The following UPB1 variants were observed in gnomAD, a reference collection of about 807,000 sequenced individuals.
UPB1 encodes the protein beta-ureidopropionase 1.
UPB1 carries 40 observed loss-of-function variants against 49.1 expected under a neutral mutation model. The observed-to-expected ratio is 0.81, with a 90% CI of 0.63 to 1.06. The LOEUF (loss-of-function observed/expected upper bound fraction) is 1.06. Ranked by LOEUF, UPB1 falls within the 50% of genes least tolerant of loss-of-function variation. UPB1 has a pLI of 0.00. For synonymous variants in UPB1, 207 were observed against 198.2 expected (o/e 1.04, Z -0.38); for missense variants, 499 against 505.9 (o/e 0.99, Z 0.13).
chr22:24,500,519 A>G (rs906399239), intron 2 of UPB1, among the ~76,000 whole-genome samples: 1 of 152,128 alleles, frequency 6.6e-6, no homozygotes, highest in African/African-American at 2.4e-5. Flanking sequence ...ACTTCTCTCC[A>G]GCTATTGATC....
chr22:24,519,403 T>C lies in UPB1; in HGVS notation c.792-984T>C, dbSNP rs149418085. ...CTGTCAATCCACAGTCTTAAAGATGTTCCTCAGACAAAAGATAATTAGTGA... is the reference window on the plus strand; with the variant it reads ...CTGTCAATCCACAGTCTTAAAGATGCTCCTCAGACAAAAGATAATTAGTGA... On this transcript the variant is annotated intron_variant, in intron 6 of 9. Coordinates refer to ENST00000326010, the MANE Select transcript of UPB1 (RefSeq NM_016327.3). Among the ~76,000 whole-genome samples, 586 of 152,264 alleles carry C rather than the reference T, an allele frequency of 3.8e-3. 5 individuals carry two copies. The highest frequency in any genetic ancestry group is 0.014 in the African/African-American group (563 of 41,548).
chr22:24,500,084 C>T (rs776612977), intron 1 of UPB1, 23 bp from the exon 2 acceptor site: 2 of 1,613,976 alleles, frequency 1.2e-6, no homozygotes, highest in South Asian at 1.1e-5. Context: ...AATCCCCTTC[C>T]CTCTTTTTTC....
chr22:24,518,166 A>AG (rs1239081538), intron 6 of UPB1: 1 of 152,228 alleles, frequency 6.6e-6, no homozygotes, highest in African/African-American at 2.4e-5. Context: ...CAGAAAAAAA[A>AG]AACAGGGAAA....
chr22:24,500,374 C>G, intron 2 of UPB1, 96 bp downstream of exon 2: 1 of 1,561,876 alleles, frequency 6.4e-7, no homozygotes, highest in Non-Finnish European at 8.7e-7. Context: ...TACTCCGGGT[C>G]TGCAGGCTTG....
rs79571400 is a variant in UPB1, at chr22:24,510,682, G to A, written c.365-67G>A. 1.0e-3 allele frequency: 1,579 copies of A among 1,516,444 alleles called. 17 individuals carry two copies. The African/African-American group carries it at 0.017, about 17-fold the overall frequency. The allele number at this position is 1,516,444 out of a possible 1,614,324, so 93.9% of individuals were successfully genotyped here. On this transcript the variant is annotated intron_variant, in intron 3 of 9. Coordinates refer to ENST00000326010, the MANE Select transcript of UPB1 (RefSeq NM_016327.3). Reference sequence around the variant, plus strand: ...TCTTTTGCAGTGACTTCCCGCTGCTGGGCTGAGGAGCCCCCCTCAGAGGCT... The same window carrying A: ...TCTTTTGCAGTGACTTCCCGCTGCTAGGCTGAGGAGCCCCCCTCAGAGGCT...
At chr22:24,518,701 A>G (rs541150802) in intron 6 of UPB1, among the ~76,000 whole-genome samples, 1 of 152,342 alleles carries the variant, frequency 6.6e-6, no homozygotes, top group South Asian at 2.1e-4. Context: ...TTCTAAGTAC[A>G]TAGTAGTGTC....
rs766196011 is a variant in UPB1, at chr22:24,515,282, G to A, written c.703G>A (p.Gly235Arg). 2.5e-6 allele frequency: 4 copies of A among 1,614,146 alleles called. No individual in the cohort carries two copies. Among genetic ancestry groups the A allele is most frequent in the South Asian group, 1.1e-5 (1 of 91,078 alleles). ...AAGGATCGCGGTGAACATTTGCTACGGGCGGCACCACCCCCTCAACTGGCT... is the reference window on the plus strand; with the variant it reads ...AAGGATCGCGGTGAACATTTGCTACAGGCGGCACCACCCCCTCAACTGGCT... ...FGRIAVNICY[G>R]RHHPLNWLMY... Residue 235 changes from glycine to arginine, a missense_variant, in exon 6 of 10, where the codon GGG becomes AGG. Transcript: ENST00000326010.
chr22:24,510,719 A>G (rs761673042), intron 3 of UPB1, 30 bp from the exon 4 acceptor site: 1 of 1,609,606 alleles, frequency 6.2e-7, no homozygotes, highest in Non-Finnish European at 8.5e-7. Context: ...TGCATGTTGG[A>G]TATAATTCTG....
chr22:24,496,408 C>T (rs939530524), intron 1 of UPB1, among the ~76,000 whole-genome samples: 6 of 139,494 alleles, frequency 4.3e-5, no homozygotes, highest in African/African-American at 1.5e-4. Flanking sequence ...CACACATACA[C>T]ACACACACAC....
chr22:24,507,431 G>A (rs1480588079), intron 3 of UPB1, among the ~76,000 whole-genome samples: 1 of 152,150 alleles, frequency 6.6e-6, no homozygotes, highest in Non-Finnish European at 1.5e-5. Context: ...GGCTTCCTGG[G>A]ACCGGAAGGA....
At chr22:24,521,248 G>A (rs1252686899) in intron 7 of UPB1, among the ~76,000 whole-genome samples, 9 of 150,364 alleles carry the variant, frequency 6.0e-5, no homozygotes, top group Non-Finnish European at 1.0e-4. Flanking sequence ...TTGGGAGACC[G>A]AGTCGGGTAG....
At chr22:24,510,422 A>T (rs1406982528) in intron 3 of UPB1, among the ~76,000 whole-genome samples, 3 of 152,168 alleles carry the variant, frequency 2.0e-5, no homozygotes, top group Non-Finnish European at 4.4e-5. Flanking sequence ...TTTACCTATC[A>T]GTTCATCTGT....
chr22:24,511,593 G>A (rs1247593239), intron 4 of UPB1, among the ~76,000 whole-genome samples: 3 of 146,500 alleles, frequency 2.0e-5, no homozygotes, highest in South Asian at 2.1e-4. Flanking sequence ...CTTATGCTCT[G>A]TGAATTATAT....
chr22:24,501,039 G>A (rs1268787477), intron 2 of UPB1, among the ~76,000 whole-genome samples: 2 of 151,524 alleles, frequency 1.3e-5, no homozygotes, highest in African/African-American at 4.9e-5. Context: ...CAGATGTCTG[G>A]TTCTCAGTTC....
chr22:24,508,369 G>A (rs992293356), intron 3 of UPB1, among the ~76,000 whole-genome samples: 13 of 152,150 alleles, frequency 8.5e-5, no homozygotes, highest in African/African-American at 2.4e-4. Context: ...AACCAGCCTG[G>A]CCAACATGGT....
chr22:24,497,745 T>C (rs910861181), intron 1 of UPB1, among the ~76,000 whole-genome samples: 17 of 152,310 alleles, frequency 1.1e-4, no homozygotes, highest in Admixed American at 9.2e-4. Context: ...CAGTGGCTGA[T>C]TGATGTTTTA....
intron 4 of UPB1, among the ~76,000 whole-genome samples, chr22:24,511,623 T>A (rs1302417809): frequency 2.1e-4 from 30 of 146,214 alleles, no homozygotes; most frequent in African/African-American, 5.7e-4. Flanking sequence ...TATATATTTT[T>A]TTTTTTTTGA....
chr22:24,523,890 G>T (rs1410824949), intron 9 of UPB1, 117 bp downstream of exon 9: 1 of 1,489,450 alleles, frequency 6.7e-7, no homozygotes, highest in Non-Finnish European at 9.3e-7. Context: ...TCCCACCTGA[G>T]GGCTCTGTGT....
chr22:24,500,114 G>T lies in UPB1; in HGVS notation c.112G>T (p.Asp38Tyr), dbSNP rs202032688. 1 of 1,614,166 alleles carries T rather than the reference G, an allele frequency of 6.2e-7. No individual in the cohort carries two copies. Among genetic ancestry groups the T allele is most frequent in the Non-Finnish European group, 8.5e-7 (1 of 1,180,044 alleles). ...VLYGKELRKL[D>Y]LPREAFEAAS... ...TTTTTCCTGCCCATCTAGGAAGCTT[G>T]ATCTGCCCAGGGAAGCTTTCGAAGC... The change falls in exon 2 of 10, where the codon GAT becomes TAT. Residue 38 changes from aspartate to tyrosine, a missense_variant. Asp to Tyr is a radical substitution (Grantham distance 160). Transcript: ENST00000326010.
Sources: allele counts gnomAD v4.1 joint callset (sites outside exome capture counted in the v4.1 genomes callset), GRCh38; gene constraint gnomAD v4.1.1; transcripts MANE v1.5; gene names NCBI Gene and HGNC (gene_info 2026-07-23, HGNC 2026-07-21).